The following CLDN11 variants were observed in gnomAD, a reference collection of about 807,000 sequenced individuals.
CLDN11 encodes claudin-11.
Under a neutral mutation model 18.0 loss-of-function variants are expected in CLDN11, and 1 was observed. That is an observed-to-expected ratio of 0.06 (90% CI 0.02 to 0.26). The LOEUF is 0.26. Among genes scored for constraint, CLDN11 ranks in the 10% least tolerant of loss-of-function variants. The pLI, the probability that CLDN11 is intolerant of heterozygous loss-of-function variation, is 1.00. For missense variants in CLDN11, 172 were observed against 276.6 expected (o/e 0.62, Z 2.68); for synonymous variants, 116 against 121.5 (o/e 0.96, Z 0.30).
At position 170,423,150 on chromosome 3, in the gene CLDN11, CTCT is replaced by C. The variant is rs751097358; in HGVS notation, c.227-11_227-9del. The stretch of plus-strand genomic sequence containing the variant: ...TGTGGTCTAACCTTTCCCATCTGCT[CTCT>C]TGTTCCCAGGCTACGTGCAGGCCTG... On this transcript the variant is annotated splice_polypyrimidine_tract_variant and intron_variant, in intron 1 of 2. Transcript: ENST00000064724. 11 of 1,614,200 alleles carry C rather than the reference CTCT, an allele frequency of 6.8e-6. No homozygotes were observed. Among genetic ancestry groups the C allele is most frequent in the Non-Finnish European group, 6.8e-6 (8 of 1,180,014 alleles).
rs1739069286 is a variant in CLDN11 at position 170,433,754 on chromosome 3, C to T, written c.*998C>T. 6.6e-6 allele frequency: 1 copy of T among 152,614 alleles called. No homozygotes were observed. Among genetic ancestry groups the T allele is most frequent in the South Asian group, 2.1e-4 (1 of 4,818 alleles). 9.5% of individuals were successfully genotyped at this position (152,614 alleles called of 1,614,324 possible). On this transcript the variant is annotated 3_prime_UTR_variant, in exon 3 of 3. Transcript: ENST00000064724. Reference sequence around the variant, plus strand: ...TCATCAATATGAAGGAAATGAACCACATAGACTTTATGCAATAAATAACAG... The same window carrying T: ...TCATCAATATGAAGGAAATGAACCATATAGACTTTATGCAATAAATAACAG...
rs749603227 is a variant in CLDN11, at chr3:170,434,648, C to T, written c.*1892C>T. 7.2e-5 allele frequency among the ~76,000 whole-genome samples: 11 copies of T among 152,168 alleles called. No individual in the cohort carries two copies. Among genetic ancestry groups the T allele is most frequent in the Non-Finnish European group, 2.9e-5 (2 of 68,036 alleles). ...GAAAACACATTGCAATCTATTTTGG[C>T]AGACTTCTTTCAAATAAAATACTAA... On this transcript the variant is annotated 3_prime_UTR_variant, in exon 3 of 3. Transcript: ENST00000064724.
Position 170,419,771 on chromosome 3 carries a change from CAT to C in CLDN11, c.226+480_226+481del, listed in dbSNP as rs1403680111. Among the ~76,000 whole-genome samples the C allele has an allele frequency of 6.6e-6, 1 of 152,266 alleles. No individual in the cohort carries two copies. The highest frequency in any genetic ancestry group is 1.9e-4 in the East Asian group (1 of 5,194). ...GGCTCAGGCTGAGTTTCTCGGTCCT[CAT>C]GGGATGGGCGAAGCGCCCCCGGCCA... On this transcript the variant is annotated intron_variant, in intron 1 of 2. Transcript: ENST00000064724. This position sits in a 1 kb window ranked among gnomAD's most constrained non-coding sequence, Gnocchi z 8.6.
chr3:170,432,591 CT>C lies in CLDN11; in HGVS notation c.462del (p.Phe154LeufsTer66). ...CAHRETTIVS[F>X]GYSLYAGWIG... Reference sequence around the variant, plus strand: ...CCCACCGTGAGACCACCATCGTGAGCTTTGGCTACTCCCTGTATGCAGGCTG... The same window carrying C: ...CCCACCGTGAGACCACCATCGTGAGCTTGGCTACTCCCTGTATGCAGGCTG... On this transcript the variant is annotated frameshift_variant, in exon 3 of 3. Transcript: ENST00000064724. LOFTEE classifies it high-confidence loss of function. 1 of 1,614,198 alleles carries C rather than the reference CT, an allele frequency of 6.2e-7. No homozygotes were observed. Among genetic ancestry groups the C allele is most frequent in the Non-Finnish European group, 8.5e-7 (1 of 1,180,036 alleles).
chr3:170,426,397 A>G (rs1247213210), intron 2 of CLDN11, among the ~76,000 whole-genome samples: 4 of 152,162 alleles, frequency 2.6e-5, no homozygotes, highest in Non-Finnish European at 4.4e-5. Flanking sequence ...AGGCTCTCAG[A>G]TCTGTGGTGG....
Position 170,418,992 on chromosome 3 carries a change from C to T in CLDN11, c.-75C>T. The T allele has an allele frequency of 8.9e-7, 1 of 1,122,820 alleles. No individual in the cohort carries two copies. Among genetic ancestry groups the T allele is most frequent in the Non-Finnish European group, 1.3e-6 (1 of 770,930 alleles). 69.6% of individuals were successfully genotyped at this position (1,122,820 alleles called of 1,614,324 possible). ...CGGCTCGCGAGCGTGGGAGACGTAC[C>T]TGGGCAGGCACTGTCCAGCCCAGGC... On this transcript the variant is annotated 5_prime_UTR_variant, in exon 1 of 3. Transcript: ENST00000064724. This position sits in a 1 kb window ranked among gnomAD's most constrained non-coding sequence, Gnocchi z 4.3.
At chr3:170,432,074 C>T (rs1739015264) in intron 2 of CLDN11, among the ~76,000 whole-genome samples, 1 of 152,158 alleles carries the variant, frequency 6.6e-6, no homozygotes, top group Non-Finnish European at 1.5e-5. Flanking sequence ...ATACTATTTG[C>T]CTTGTACCAA....
intron 2 of CLDN11, among the ~76,000 whole-genome samples, chr3:170,430,845 C>T (rs1417564431): frequency 6.6e-6 from 1 of 152,126 alleles, no homozygotes; most frequent in Non-Finnish European, 1.5e-5. Context: ...CATGCCTGGC[C>T]AATTTTAGCT....
chr3:170,432,060 G>A (rs1739014947), intron 2 of CLDN11, among the ~76,000 whole-genome samples: 1 of 152,160 alleles, frequency 6.6e-6, no homozygotes, highest in African/African-American at 2.4e-5. Flanking sequence ...TCTACATTGA[G>A]CACATACTAT....
chr3:170,427,821 A>G (rs903175935), intron 2 of CLDN11, among the ~76,000 whole-genome samples: 1 of 151,074 alleles, frequency 6.6e-6, no homozygotes, highest in Non-Finnish European at 1.5e-5. Flanking sequence ...AAAAAAAAAA[A>G]AAAGAAAAAG....
At position 170,433,095 on chromosome 3, in the gene CLDN11, A is replaced by G. The variant is rs1303025988; in HGVS notation, c.*339A>G. The G allele has an allele frequency of 2.5e-5, 2 of 81,040 alleles. No individual in the cohort carries two copies. Among genetic ancestry groups the G allele is most frequent in the African/African-American group, 9.9e-5 (2 of 20,238 alleles). 5.0% of individuals were successfully genotyped at this position (81,040 alleles called of 1,614,324 possible). A position where few individuals can be genotyped will look rare whatever the true frequency, so the allele number is the denominator to read the frequency against. Reference sequence around the variant, plus strand: ...TTCAAATGTTTTGCAAACATCACTGAGTTAGGTGGGGGTGGGGAAGAGAAA... The same window carrying G: ...TTCAAATGTTTTGCAAACATCACTGGGTTAGGTGGGGGTGGGGAAGAGAAA... On this transcript the variant is annotated 3_prime_UTR_variant, in exon 3 of 3. Transcript: ENST00000064724.
In CLDN11 at chr3:170,419,945, G is replaced by A. The variant is rs1379412672; in HGVS notation, c.226+653G>A. Among the ~76,000 whole-genome samples, 1 of 152,260 alleles carries A rather than the reference G, an allele frequency of 6.6e-6. No individual in the cohort carries two copies. The highest frequency in any genetic ancestry group is 2.4e-5 in the African/African-American group (1 of 41,474). The stretch of plus-strand genomic sequence containing the variant: ...TGCCCCCGCTACCCCCGCCCCTGCT[G>A]TGGGCGCGTCAGACTGCGGGGCTGC... On this transcript the variant is annotated intron_variant, in intron 1 of 2. Transcript: ENST00000064724. This position sits in a 1 kb window ranked among gnomAD's most constrained non-coding sequence, Gnocchi z 8.6.
chr3:170,424,989 G>T (rs1202535971), intron 2 of CLDN11, among the ~76,000 whole-genome samples: 1 of 152,116 alleles, frequency 6.6e-6, no homozygotes, highest in African/African-American at 2.4e-5. Context: ...CTAATTTCCA[G>T]AGAAAAATCT....
chr3:170,427,806 C>CAA (rs1175282704), intron 2 of CLDN11, among the ~76,000 whole-genome samples: 1,216 of 56,028 alleles, frequency 0.022, 25 homozygotes, highest in Admixed American at 0.09. Context: ...GAGACTGTCT[C>CAA]AAAAAAAAAA....
chr3:170,429,493 T>A (rs1738945736), intron 2 of CLDN11, among the ~76,000 whole-genome samples: 1 of 152,220 alleles, frequency 6.6e-6, no homozygotes, highest in African/African-American at 2.4e-5. Context: ...AATGTAGAAT[T>A]GAAATGAGAC....
chr3:170,423,785 G>C (rs1480018090), intron 2 of CLDN11: 1 of 158,068 alleles, frequency 6.3e-6, no homozygotes, highest in Admixed American at 6.0e-5. Flanking sequence ...AAAGAAGGAG[G>C]CCGAGGTGGG....
At chr3:170,424,574 A>G (rs1404392479) in intron 2 of CLDN11, among the ~76,000 whole-genome samples, 4 of 152,208 alleles carry the variant, frequency 2.6e-5, no homozygotes, top group Non-Finnish European at 4.4e-5. Flanking sequence ...TCATTAGCAC[A>G]TTCTAAATCC....
In CLDN11 at chr3:170,432,645, T is replaced by C. The variant is rs375051671; in HGVS notation, c.513T>C (p.Gly171=). The C allele has an allele frequency of 1.9e-6, 3 of 1,614,056 alleles. No homozygotes were observed. The African/African-American group carries it at 4.0e-5, about 22-fold the overall frequency. ...GWIGAVLCLV[G]GCVILCCAGD... ...TTGGTGCTGTGCTGTGCCTCGTGGG[T>C]GGCTGTGTCATCCTCTGCTGCGCTG... The change falls in exon 3 of 3, where the codon GGT becomes GGC. Residue 171 remains glycine (G), a synonymous_variant. Transcript: ENST00000064724.
Position 170,423,164 on chromosome 3 carries a change from C to T in CLDN11, c.228C>T (p.Gly76=). 1 of 1,614,224 alleles carries T rather than the reference C, an allele frequency of 6.2e-7. No individual in the cohort carries two copies. Among genetic ancestry groups the T allele is most frequent in the Non-Finnish European group, 8.5e-7 (1 of 1,180,042 alleles). ...KPLVDILILP[G]YVQACRALMI... is the part of the protein sequence containing the mutation. ...TCCCATCTGCTCTCTTGTTCCCAGG[C>T]TACGTGCAGGCCTGCCGCGCCCTGA... The change falls in exon 2 of 3, where the codon GGC becomes GGT. Residue 76 remains glycine (G), a splice_region_variant and synonymous_variant. Coordinates refer to ENST00000064724, the MANE Select transcript of CLDN11 (RefSeq NM_005602.6).
Sources: allele counts gnomAD v4.1 joint callset (sites outside exome capture counted in the v4.1 genomes callset), GRCh38; gene constraint gnomAD v4.1.1; non-coding constraint Gnocchi (gnomAD v3.1); transcripts MANE v1.5; gene names NCBI Gene and HGNC (gene_info 2026-07-23, HGNC 2026-07-21).